The following RNF220 variants were observed in gnomAD, a reference collection of about 807,000 sequenced individuals.
The protein encoded by RNF220 is E3 ubiquitin-protein ligase RNF220.
RNF220 carries 7 observed loss-of-function variants against 67.1 expected under a neutral mutation model. The ratio of observed to expected loss-of-function variants is 0.10; its 90% CI spans 0.06 to 0.20. The LOEUF is 0.20. RNF220 is among the 10% of genes least tolerant of loss of function. The pLI is 1.00. For missense variants in RNF220, 565 were observed against 740.3 expected (o/e 0.76, Z 2.75); for synonymous variants, 270 against 283.2 (o/e 0.95, Z 0.47).
chr1:44,553,063 C>T (rs1662792567), intron 2 of RNF220, among the ~76,000 whole-genome samples: 1 of 152,174 alleles, frequency 6.6e-6, no homozygotes, highest in African/African-American at 2.4e-5. Flanking sequence ...CTATCTCTTC[C>T]TCCCCCTGTC....
chr1:44,632,228 G>C (rs762976392), intron 5 of RNF220, 115 bp from the exon 6 acceptor site: 1 of 1,612,852 alleles, frequency 6.2e-7, no homozygotes, highest in Non-Finnish European at 8.5e-7. Context: ...TTTACGGGCT[G>C]TTTGGGGCGG....
chr1:44,407,166 C>A (rs945580330), intron 1 of RNF220, among the ~76,000 whole-genome samples: 1 of 152,158 alleles, frequency 6.6e-6, no homozygotes, highest in African/African-American at 2.4e-5. Flanking sequence ...CGCCGGCCCA[C>A]TGGCCCGGGA....
At chr1:44,602,101 C>T (rs1199911589) in intron 2 of RNF220, among the ~76,000 whole-genome samples, 1 of 151,846 alleles carries the variant, frequency 6.6e-6, no homozygotes, top group Non-Finnish European at 1.5e-5. Flanking sequence ...AGTTCCGTCA[C>T]GGGTTCTACT....
At chr1:44,493,859 A>G (rs12080921) in intron 2 of RNF220, among the ~76,000 whole-genome samples, 1,583 of 152,102 alleles carry the variant, frequency 0.01, 26 homozygotes, top group African/African-American at 0.036. Flanking sequence ...TATGCTTCAT[A>G]TGGGTCTCTG....
In RNF220 at chr1:44,650,231, G is replaced by T. The variant is rs937257830; in HGVS notation, c.1629+274G>T. The T allele has an allele frequency of 3.6e-6, 2 of 558,970 alleles. No homozygotes were observed. The highest frequency in any genetic ancestry group is 3.8e-5 in the African/African-American group (2 of 53,036). The allele number at this position is 558,970 out of a possible 1,614,324, so 34.6% of individuals were successfully genotyped here. On this transcript the variant is annotated intron_variant, in intron 14 of 14. Transcript: ENST00000361799. This position sits in a 1 kb window ranked among gnomAD's most constrained non-coding sequence, Gnocchi z 4.3. ...AAGGCCCACTGCATCACACAGACTG[G>T]TGAGGCCTGGGGTCAGGAGGAGGCT...
rs1210198996 is a variant in RNF220, at chr1:44,645,515, T to C, written c.1445+27T>C. On this transcript the variant is annotated intron_variant, in intron 12 of 14. Coordinates refer to ENST00000361799, the MANE Select transcript of RNF220 (RefSeq NM_018150.4). The surrounding 1 kb of genome is among the most constrained non-coding windows in gnomAD (Gnocchi z 5.0). ...TAAGTGTTTGGCCAGGAGAGAGCCC[T>C]GGGACCACAGTTCAGTGGGAGGAGG... is the stretch of plus-strand genomic sequence containing the variant. 2 of 1,609,328 alleles carry C rather than the reference T, an allele frequency of 1.2e-6. No individual in the cohort carries two copies. The highest frequency in any genetic ancestry group is 1.7e-6 in the Non-Finnish European group (2 of 1,177,078).
At chr1:44,420,766 G>A (rs1649123692) in intron 2 of RNF220, among the ~76,000 whole-genome samples, 2 of 152,156 alleles carry the variant, frequency 1.3e-5, no homozygotes, top group Non-Finnish European at 2.9e-5. Flanking sequence ...TGCAAAATGG[G>A]AGTTATACAG....
intron 2 of RNF220, among the ~76,000 whole-genome samples, chr1:44,540,268 T>C (rs1351156827): frequency 6.6e-6 from 1 of 152,062 alleles, no homozygotes; most frequent in Non-Finnish European, 1.5e-5. Context: ...GGACGGCTGC[T>C]GCCCAAAGGA....
At chr1:44,635,471 A>G (rs1644297768) in intron 6 of RNF220, 74 bp from the exon 7 acceptor site, 7 of 1,572,074 alleles carry the variant, frequency 4.5e-6, no homozygotes, top group African/African-American at 1.4e-5. Context: ...AGGATGTGTC[A>G]GCTCCACTGG....
chr1:44,645,552 A>G lies in RNF220; in HGVS notation c.1445+64A>G. The G allele has an allele frequency of 6.5e-7, 1 of 1,531,182 alleles. No homozygotes were observed. The highest frequency in any genetic ancestry group is 9.0e-7 in the Non-Finnish European group (1 of 1,113,082). 94.8% of individuals were successfully genotyped at this position (1,531,182 alleles called of 1,614,324 possible). On this transcript the variant is annotated intron_variant, in intron 12 of 14. Transcript: ENST00000361799. This position sits in a 1 kb window ranked among gnomAD's most constrained non-coding sequence, Gnocchi z 5.0. ...TCAGTGGGAGGAGGGGCCCTTTGCTAGCAGGAAGGCCTGCTGCCAGGGCTT... is the reference window on the plus strand; with the variant it reads ...TCAGTGGGAGGAGGGGCCCTTTGCTGGCAGGAAGGCCTGCTGCCAGGGCTT...
At chr1:44,491,079 A>G (rs149590466) in intron 2 of RNF220, among the ~76,000 whole-genome samples, 1 of 152,322 alleles carries the variant, frequency 6.6e-6, no homozygotes, top group East Asian at 1.9e-4. Flanking sequence ...AAGGAAATTG[A>G]ATTGCTAATT....
At chr1:44,636,428 T>C (rs1428245874) in intron 8 of RNF220, 1 of 718,866 alleles carries the variant, frequency 1.4e-6, no homozygotes, top group East Asian at 2.7e-5. Context: ...GGGTGATGCA[T>C]TGAAGGTGAC....
intron 2 of RNF220, among the ~76,000 whole-genome samples, chr1:44,450,829 A>C (rs1557937972): frequency 1.3e-5 from 2 of 152,194 alleles, no homozygotes; most frequent in African/African-American, 4.8e-5. Context: ...GCAAGTTTCT[A>C]GAAGTGGAAG....
intron 2 of RNF220, among the ~76,000 whole-genome samples, chr1:44,513,472 C>G (rs1182181799): frequency 1.4e-5 from 2 of 147,810 alleles, no homozygotes; most frequent in South Asian, 4.3e-4. Flanking sequence ...CAAATAAAGG[C>G]CCTTTTAAAA....
chr1:44,631,352 T>C (rs1344484014), intron 5 of RNF220, among the ~76,000 whole-genome samples: 3 of 152,308 alleles, frequency 2.0e-5, no homozygotes, highest in South Asian at 2.1e-4. Flanking sequence ...AGAAAAGGAT[T>C]GAGTGTGAGG....
chr1:44,490,491 A>C (rs980413796), intron 2 of RNF220, among the ~76,000 whole-genome samples: 2 of 151,766 alleles, frequency 1.3e-5, no homozygotes, highest in Non-Finnish European at 2.9e-5. Context: ...AAAAAAAAAG[A>C]AATAATAAGG....
intron 2 of RNF220, among the ~76,000 whole-genome samples, chr1:44,502,134 G>C (rs1321913353): frequency 8.1e-5 from 9 of 111,682 alleles, no homozygotes; most frequent in Non-Finnish European, 7.5e-5. Flanking sequence ...ATGATCCTTT[G>C]TCTCTCTCTC....
Position 44,412,825 on chromosome 1 carries a change from G to A in RNF220, c.625+103G>A. 7.6e-7 allele frequency: 1 copy of A among 1,316,458 alleles called. No individual in the cohort carries two copies. The highest frequency in any genetic ancestry group is 1.1e-6 in the Non-Finnish European group (1 of 951,222). The allele number at this position is 1,316,458 out of a possible 1,614,324, so 81.5% of individuals were successfully genotyped here. ...TTTGCATGCTCCTAGTAATAGGAAGGGCCAACTACTTCCCTTTCACTAGCT... is the reference window on the plus strand; with the variant it reads ...TTTGCATGCTCCTAGTAATAGGAAGAGCCAACTACTTCCCTTTCACTAGCT... On this transcript the variant is annotated intron_variant, in intron 2 of 14. Transcript: ENST00000361799. The surrounding 1 kb of genome is among the most constrained non-coding windows in gnomAD (Gnocchi z 5.3).
At chr1:44,462,877 AT>A (rs754204306) in intron 2 of RNF220, among the ~76,000 whole-genome samples, 1 of 151,904 alleles carries the variant, frequency 6.6e-6, no homozygotes, top group East Asian at 1.9e-4. Flanking sequence ...AAATACAAAA[AT>A]TAGCCAGGTG....
Sources: allele counts gnomAD v4.1 joint callset (sites outside exome capture counted in the v4.1 genomes callset), GRCh38; gene constraint gnomAD v4.1.1; non-coding constraint Gnocchi (gnomAD v3.1); transcripts MANE v1.5; gene names NCBI Gene and HGNC (gene_info 2026-07-23, HGNC 2026-07-21).